GRIK4: variants seen among roughly 807,000 people sequenced by gnomAD.
GRIK4 encodes glutamate receptor ionotropic, kainate 4.
Under a neutral mutation model 104.9 loss-of-function variants are expected in GRIK4, and 40 were observed. The ratio of observed to expected loss-of-function variants is 0.38; its 90% confidence interval spans 0.30 to 0.50. GRIK4 has a LOEUF of 0.50. Among genes scored for constraint, GRIK4 ranks in the 20% least tolerant of loss-of-function variants. The probability of loss-of-function intolerance (pLI) is 0.93; values close to 1 mark genes in which losing one functional copy is unlikely to be tolerated. For synonymous variants in GRIK4, 485 were observed against 524.9 expected (o/e 0.92, Z 1.04); for missense variants, 1,047 against 1,308.1 (o/e 0.80, Z 3.08).
chr11:120,921,003 T>G (rs1943216765), intron 13 of GRIK4, among the ~76,000 whole-genome samples: 1 of 152,180 alleles, frequency 6.6e-6, no homozygotes, highest in Non-Finnish European at 1.5e-5. Context: ...CATTTGCGCC[T>G]TCTTCTTTCA....
At chr11:120,565,630 G>T (rs994192580) in intron 1 of GRIK4, among the ~76,000 whole-genome samples, 1 of 152,188 alleles carries the variant, frequency 6.6e-6, no homozygotes, top group African/African-American at 2.4e-5. Flanking sequence ...AGTGAGGAAG[G>T]ACGACAGGTA....
At chr11:120,948,484 T>C (rs760991821) in intron 14 of GRIK4, among the ~76,000 whole-genome samples, 2 of 152,164 alleles carry the variant, frequency 1.3e-5, no homozygotes, top group Non-Finnish European at 2.9e-5. Context: ...GAGGTGGGAT[T>C]GAGTTCTAAA....
chr11:120,830,770 G>A (rs75042247), intron 6 of GRIK4, among the ~76,000 whole-genome samples: 3,122 of 152,216 alleles, frequency 0.021, 95 homozygotes, highest in Non-Finnish European at 0.025. Context: ...TTTGATAAAT[G>A]TTGCCCTTAT....
At chr11:120,888,638 A>G (rs751663689) in intron 11 of GRIK4, among the ~76,000 whole-genome samples, 115 of 152,328 alleles carry the variant, frequency 7.5e-4, no homozygotes, top group Middle Eastern at 3.4e-3. Context: ...GTGAACAGAT[A>G]GAGTGTCCAG....
chr11:120,774,950 T>C (rs1271747674), intron 3 of GRIK4, among the ~76,000 whole-genome samples: 1 of 151,976 alleles, frequency 6.6e-6, no homozygotes, highest in Non-Finnish European at 1.5e-5. Flanking sequence ...ACCACAGGGG[T>C]GAGAGACGAG....
intron 3 of GRIK4, among the ~76,000 whole-genome samples, chr11:120,762,016 T>G (rs1170517017): frequency 1.3e-5 from 2 of 152,206 alleles, no homozygotes; most frequent in Non-Finnish European, 2.9e-5. Flanking sequence ...GTTAATAGCA[T>G]TGAATCTATA....
chr11:120,584,973 T>C (rs751945284), intron 1 of GRIK4, among the ~76,000 whole-genome samples: 14 of 152,206 alleles, frequency 9.2e-5, no homozygotes, highest in Non-Finnish European at 1.8e-4. Context: ...TTGTTGAGGA[T>C]TTTTGCATCT....
intron 16 of GRIK4, 119 bp downstream of exon 16, chr11:120,957,072 C>T (rs772682615): frequency 4.6e-5 from 39 of 843,050 alleles, no homozygotes; most frequent in Non-Finnish European, 6.5e-5. Context: ...AGCAGACCCA[C>T]GCAGGAAGCC....
At chr11:120,687,334 C>T (rs553450349) in intron 3 of GRIK4, among the ~76,000 whole-genome samples, 8 of 152,140 alleles carry the variant, frequency 5.3e-5, no homozygotes, top group Non-Finnish European at 7.3e-5. Context: ...GAACCTCCAG[C>T]GCTTTAAGAT....
chr11:120,623,581 T>C (rs780445926), intron 1 of GRIK4, among the ~76,000 whole-genome samples: 7 of 152,248 alleles, frequency 4.6e-5, no homozygotes, highest in Non-Finnish European at 7.3e-5. Context: ...GACATTTCTG[T>C]TATTTTCCAT....
chr11:120,669,191 C>T (rs1223724243), intron 3 of GRIK4, among the ~76,000 whole-genome samples: 2 of 152,196 alleles, frequency 1.3e-5, no homozygotes, highest in East Asian at 1.9e-4. Context: ...GGGTGGCACT[C>T]TTTCTGGGCA....
At chr11:120,839,316 C>A (rs976557376) in intron 8 of GRIK4, among the ~76,000 whole-genome samples, 1 of 152,134 alleles carries the variant, frequency 6.6e-6, no homozygotes, top group African/African-American at 2.4e-5. Context: ...GCATGGTGAA[C>A]GGGAAAGGCA....
At chr11:120,592,192 C>G (rs1194576910) in intron 1 of GRIK4, among the ~76,000 whole-genome samples, 1 of 152,156 alleles carries the variant, frequency 6.6e-6, no homozygotes, top group East Asian at 1.9e-4. Context: ...GACAGAGAGG[C>G]TTTAGGGACT....
At chr11:120,619,624 C>T (rs1232055963) in intron 1 of GRIK4, among the ~76,000 whole-genome samples, 1 of 152,104 alleles carries the variant, frequency 6.6e-6, no homozygotes, top group African/African-American at 2.4e-5. Flanking sequence ...GTGGATTTCC[C>T]TGTTGGTGCC....
chr11:120,532,109 G>A (rs1947929740), intron 1 of GRIK4, among the ~76,000 whole-genome samples: 1 of 152,228 alleles, frequency 6.6e-6, no homozygotes, highest in Non-Finnish European at 1.5e-5. Context: ...AGCCACAGCT[G>A]GAGCCGGGTA....
chr11:120,860,882 A>G (rs1186556194), intron 8 of GRIK4, among the ~76,000 whole-genome samples: 4 of 152,016 alleles, frequency 2.6e-5, no homozygotes, highest in African/African-American at 4.8e-5. Flanking sequence ...CACATTCCCA[A>G]GCCTGGCATC....
chr11:120,853,636 T>C (rs375203240), intron 8 of GRIK4, among the ~76,000 whole-genome samples: 2 of 152,308 alleles, frequency 1.3e-5, no homozygotes, highest in East Asian at 3.9e-4. Flanking sequence ...GACAGGTGGA[T>C]CATGTGACAT....
chr11:120,545,027 G>A (rs1948071668), intron 1 of GRIK4, among the ~76,000 whole-genome samples: 1 of 152,082 alleles, frequency 6.6e-6, no homozygotes, highest in African/African-American at 2.4e-5. Flanking sequence ...GGAAACTGAG[G>A]CAGGGAGCTT....
intron 1 of GRIK4, among the ~76,000 whole-genome samples, chr11:120,521,096 TC>T (rs1947792513): frequency 6.6e-6 from 1 of 152,012 alleles, no homozygotes; most frequent in Admixed American, 6.6e-5. Context: ...GTTTTGTTTT[TC>T]GTTTTTTTGA....
Sources: gnomAD v4.1 joint callset for allele counts (sites outside exome capture counted in the v4.1 genomes callset) on GRCh38, gnomAD v4.1.1 for gene constraint, MANE v1.5 for transcripts, NCBI Gene and HGNC (gene_info 2026-07-23, HGNC 2026-07-21) for gene names.